RTN1: variants seen among roughly 807,000 people sequenced by gnomAD.
RTN1 encodes reticulon 1.
A neutral mutation model predicts 65.5 loss-of-function variants in RTN1; 25 were observed. The observed-to-expected ratio is 0.38, with a 90% confidence interval of 0.28 to 0.53. RTN1 has a LOEUF of 0.53. RTN1 is among the 20% of genes least tolerant of loss of function. The pLI, the probability that RTN1 is intolerant of heterozygous loss-of-function variation, is 0.79. For synonymous variants in RTN1, 471 were observed against 447.6 expected (o/e 1.05, Z -0.66); for missense variants, 983 against 1,025.4 (o/e 0.96, Z 0.57).
At chr14:59,750,100 A>G (rs1403475655) in intron 1 of RTN1, among the ~76,000 whole-genome samples, 2 of 59,444 alleles carry the variant, frequency 3.4e-5, no homozygotes, top group Non-Finnish European at 5.1e-5. Flanking sequence ...TATATTATAT[A>G]TTATATATTA....
At chr14:59,729,058 G>C (rs1003051085) in intron 2 of RTN1, among the ~76,000 whole-genome samples, 1 of 152,170 alleles carries the variant, frequency 6.6e-6, no homozygotes, top group Non-Finnish European at 1.5e-5. Flanking sequence ...AAATAGGGGA[G>C]TCCGTGTAGG....
rs150979118 is a variant in RTN1, at chr14:59,727,055, C to T, written c.1629G>A (p.Leu543=). The T allele has an allele frequency of 6.2e-7, 1 of 1,613,324 alleles. No homozygotes were observed. Among genetic ancestry groups the T allele is most frequent in the East Asian group, 2.2e-5 (1 of 44,838 alleles). ...GTGGCAACATGGGCGTCTCAGGCTC[C>T]AGGGCTCCGTCTCCAGGGGGCAGCT... ...GPELPPGDGA[L]EPETPMLPRK... Residue 543 remains leucine (L), a synonymous_variant, in exon 3 of 9, where the codon CTG becomes CTA. Transcript: ENST00000267484. This position sits in a 1 kb window ranked among gnomAD's most constrained non-coding sequence, Gnocchi z 4.2.
intron 3 of RTN1, among the ~76,000 whole-genome samples, chr14:59,710,831 A>G (rs1214717049): frequency 6.6e-6 from 1 of 152,250 alleles, no homozygotes; most frequent in Non-Finnish European, 1.5e-5. Context: ...TATCTAGTAC[A>G]GAAAAACAAT....
intron 1 of RTN1, among the ~76,000 whole-genome samples, chr14:59,801,363 T>A (rs977432286): frequency 6.6e-6 from 1 of 151,994 alleles, no homozygotes; most frequent in African/African-American, 2.4e-5. Flanking sequence ...GGAAAAAGAA[T>A]CATTACAGAC....
intron 3 of RTN1, among the ~76,000 whole-genome samples, chr14:59,707,950 G>C (rs2139454645): frequency 6.6e-6 from 1 of 152,302 alleles, no homozygotes; most frequent in Admixed American, 6.5e-5. Flanking sequence ...TAAGCCAGAT[G>C]GGGTAGAATG....
Position 59,741,113 on chromosome 14 carries a change from G to A in RTN1, c.1015+4595C>T, listed in dbSNP as rs559653120. On this transcript the variant is annotated intron_variant, in intron 2 of 8. Coordinates refer to ENST00000267484, the MANE Select transcript of RTN1 (RefSeq NM_021136.3). The stretch of plus-strand genomic sequence containing the variant: ...CTGGCTCATTCTCCATGCAGCATCC[G>A]GAAGGATCAATTGAAAACCCAAGTC... Among the ~76,000 whole-genome samples, 10 of 152,200 alleles carry A rather than the reference G, an allele frequency of 6.6e-5. No homozygotes were observed. The East Asian group carries it at 1.5e-3, about 24-fold the overall frequency.
intron 3 of RTN1, among the ~76,000 whole-genome samples, chr14:59,711,991 G>A (rs1426354315): frequency 2.6e-5 from 4 of 152,172 alleles, no homozygotes; most frequent in Non-Finnish European, 5.9e-5. Context: ...AACCTGAGAA[G>A]CCATATGTTG....
chr14:59,727,475 G>A lies in RTN1; in HGVS notation c.1209C>T (p.Ala403=). The change falls in exon 3 of 9, where the codon GCC becomes GCT. Residue 403 remains alanine, a synonymous_variant. Coordinates refer to ENST00000267484, the MANE Select transcript of RTN1 (RefSeq NM_021136.3). The surrounding 1 kb of genome is among the most constrained non-coding windows in gnomAD (Gnocchi z 4.2). ...PTIPSPLDHE[A]SSAESGDSEI... Reference sequence around the variant, plus strand: ...CTGAGTCCCCCGACTCCGCGCTGCTGGCCTCGTGGTCCAGGGGGCTGGGGA... The same window carrying A: ...CTGAGTCCCCCGACTCCGCGCTGCTAGCCTCGTGGTCCAGGGGGCTGGGGA... 1 of 1,577,514 alleles carries A rather than the reference G, an allele frequency of 6.3e-7. No homozygotes were observed. Among genetic ancestry groups the A allele is most frequent in the Middle Eastern group, 1.7e-4 (1 of 6,016 alleles).
intron 1 of RTN1, among the ~76,000 whole-genome samples, chr14:59,804,835 A>G (rs910305765): frequency 2.0e-5 from 3 of 152,204 alleles, no homozygotes; most frequent in Non-Finnish European, 4.4e-5. Flanking sequence ...TCAAGTGACT[A>G]CTATTTTGGC....
At chr14:59,839,719 T>C (rs1198728015) in intron 1 of RTN1, among the ~76,000 whole-genome samples, 1 of 152,194 alleles carries the variant, frequency 6.6e-6, no homozygotes, top group Non-Finnish European at 1.5e-5. Context: ...ATCTTTTCCA[T>C]AAATTTGGGC....
At chr14:59,612,316 A>G (rs976679121) in intron 3 of RTN1, among the ~76,000 whole-genome samples, 1 of 152,180 alleles carries the variant, frequency 6.6e-6, no homozygotes, top group Non-Finnish European at 1.5e-5. Flanking sequence ...GGTCATCAGA[A>G]GCCACTCCAT....
rs985193726 is a variant in RTN1, at chr14:59,870,681, G to A, written c.-51C>T. ...CGGCGGCTTGGCTGGGCAGAGGCTC[G>A]GTGGCTGCGCGGGCGCTCCCTGCTG... On this transcript the variant is annotated 5_prime_UTR_variant, in exon 1 of 9. Transcript: ENST00000267484. This position sits in a 1 kb window ranked among gnomAD's most constrained non-coding sequence, Gnocchi z 5.1. The A allele has an allele frequency of 3.7e-5, 48 of 1,314,670 alleles. No homozygotes were observed. In the South Asian group the frequency reaches 8.9e-4, roughly 24 times the overall value. 81.4% of individuals were successfully genotyped at this position (1,314,670 alleles called of 1,614,324 possible). A position where few individuals can be genotyped will look rare whatever the true frequency, so the allele number is the denominator to read the frequency against.
chr14:59,762,342 A>G (rs1885766537), intron 1 of RTN1, among the ~76,000 whole-genome samples: 1 of 152,180 alleles, frequency 6.6e-6, no homozygotes, highest in Non-Finnish European at 1.5e-5. Flanking sequence ...CATTTAAAAT[A>G]TATGCTCACT....
intron 1 of RTN1, among the ~76,000 whole-genome samples, chr14:59,767,737 T>C (rs1335210513): frequency 3.3e-5 from 5 of 152,198 alleles, no homozygotes; most frequent in African/African-American, 1.2e-4. Context: ...ATGCAACTTT[T>C]AAAATTTCCC....
intron 1 of RTN1, among the ~76,000 whole-genome samples, chr14:59,789,969 T>A (rs1886318489): frequency 6.6e-6 from 1 of 151,682 alleles, no homozygotes; most frequent in Admixed American, 6.6e-5. Context: ...AGTATAAAAA[T>A]GAAAATGGAA....
intron 3 of RTN1, among the ~76,000 whole-genome samples, chr14:59,625,089 A>T (rs1882357320): frequency 6.6e-6 from 1 of 152,176 alleles, no homozygotes; most frequent in Admixed American, 6.5e-5. Flanking sequence ...TAAGGGAGGG[A>T]GGGAAGGAGG....
chr14:59,605,680 C>A (rs993088021), intron 4 of RTN1, 174 bp from the exon 5 acceptor site: 7 of 561,946 alleles, frequency 1.2e-5, no homozygotes, highest in African/African-American at 3.8e-5. Flanking sequence ...ACACCTGCTT[C>A]CATGCACTGA....
chr14:59,760,292 C>T (rs901276397), intron 1 of RTN1, among the ~76,000 whole-genome samples: 1 of 151,954 alleles, frequency 6.6e-6, no homozygotes, highest in Non-Finnish European at 1.5e-5. Flanking sequence ...TACTAACTCT[C>T]ATGTAAGAAA....
intron 3 of RTN1, among the ~76,000 whole-genome samples, chr14:59,613,324 T>C (rs1414305209): frequency 6.6e-6 from 1 of 152,134 alleles, no homozygotes; most frequent in Non-Finnish European, 1.5e-5. Context: ...TTTGACATGG[T>C]GTCTCACTCT....
Sources: gnomAD v4.1 joint callset for allele counts (sites outside exome capture counted in the v4.1 genomes callset) on GRCh38, gnomAD v4.1.1 for gene constraint, Gnocchi (gnomAD v3.1) non-coding constraint, MANE v1.5 for transcripts, NCBI Gene and HGNC (gene_info 2026-07-23, HGNC 2026-07-21) for gene names.